Variants in RANBP2 observed in about 807,000 individuals in gnomAD.
The protein encoded by RANBP2 is RAN binding protein 2, also known as E3 SUMO-protein ligase RanBP2.
Under a neutral mutation model 303.6 loss-of-function variants are expected in RANBP2, and 57 were observed. The ratio of observed to expected loss-of-function variants is 0.19; its 90% CI spans 0.15 to 0.23. The LOEUF (loss-of-function observed/expected upper bound fraction) is 0.23, where lower values mean the gene tolerates loss of function less well. Ranked by LOEUF, RANBP2 falls within the 10% of genes least tolerant of loss-of-function variation. The probability of loss-of-function intolerance (pLI) is 1.00; values close to 1 mark genes in which losing one functional copy is unlikely to be tolerated. For synonymous variants in RANBP2, 1,167 were observed against 1,301.5 expected (o/e 0.90, Z 2.23); for missense variants, 3,138 against 3,780.8 (o/e 0.83, Z 4.46).
chr2:109,184,636 T>C, the RANBP2 span, among the ~76,000 whole-genome samples: 4 of 152,046 alleles, frequency 2.6e-5, no homozygotes, highest in East Asian at 7.8e-4. Context: ...TCCCAGAGAG[T>C]GAGCTGGTCC....
At chr2:109,289,693 T>C in the RANBP2 span, among the ~76,000 whole-genome samples, 1 of 152,170 alleles carries the variant, frequency 6.6e-6, no homozygotes, top group Non-Finnish European at 1.5e-5. Context: ...CTTCATAGCA[T>C]AGAAGATGAA....
chr2:109,338,758 A>G, the RANBP2 span, among the ~76,000 whole-genome samples: 1 of 152,126 alleles, frequency 6.6e-6, no homozygotes, highest in East Asian at 1.9e-4. Flanking sequence ...GAGTTTCACC[A>G]TGTTGGCCAG....
At chr2:108,989,823 G>GA in the RANBP2 span, among the ~76,000 whole-genome samples, 1 of 151,462 alleles carries the variant, frequency 6.6e-6, no homozygotes, top group African/African-American at 2.4e-5. Context: ...ATTGGGGGGG[G>GA]GAAAACAGCC....
chr2:108,807,886 G>A, the RANBP2 span, among the ~76,000 whole-genome samples: 2 of 152,200 alleles, frequency 1.3e-5, no homozygotes, highest in African/African-American at 4.8e-5. Context: ...TCGGATTACA[G>A]GCCTGAGCCA....
chr2:109,565,890 T>C, the RANBP2 span: 1 of 1,540,562 alleles, frequency 6.5e-7, no homozygotes. Flanking sequence ...CATCTTCTCA[T>C]ACCACTGTGA....
chr2:108,797,318 A>G, the RANBP2 span, among the ~76,000 whole-genome samples: 2 of 152,318 alleles, frequency 1.3e-5, no homozygotes, highest in East Asian at 3.9e-4. Flanking sequence ...CATGGAAACC[A>G]ATGAAGGAGA....
At chr2:109,133,648 A>G in the RANBP2 span, among the ~76,000 whole-genome samples, 3 of 151,384 alleles carry the variant, frequency 2.0e-5, no homozygotes, top group Admixed American at 6.6e-5. Flanking sequence ...TGATGTTCTC[A>G]TTTACACCTG....
chr2:109,723,926 T>C, the RANBP2 span, among the ~76,000 whole-genome samples: 10 of 152,340 alleles, frequency 6.6e-5, no homozygotes, highest in South Asian at 4.1e-4. Flanking sequence ...CTTTAATCCA[T>C]CTTGTGTTAA....
the RANBP2 span, among the ~76,000 whole-genome samples, chr2:108,820,699 C>CAAAAAAAAAA: frequency 1.9e-4 from 12 of 62,580 alleles, no homozygotes; most frequent in African/African-American, 5.3e-4. Flanking sequence ...ATTCAAAGTG[C>CAAAAAAAAAA]AAAAAAAAAA....
At chr2:109,091,653 G>A in the RANBP2 span, among the ~76,000 whole-genome samples, 13 of 152,162 alleles carry the variant, frequency 8.5e-5, no homozygotes, top group Non-Finnish European at 1.5e-4. Context: ...CCCATGGTTT[G>A]GTAGCCCCCT....
the RANBP2 span, among the ~76,000 whole-genome samples, chr2:109,133,670 T>G: frequency 3.8e-3 from 585 of 152,308 alleles, 2 homozygotes; most frequent in African/African-American, 0.013. Context: ...TTTGACCATT[T>G]TGTTAGTGTT....
At chr2:109,106,340 C>T in the RANBP2 span, among the ~76,000 whole-genome samples, 2 of 152,144 alleles carry the variant, frequency 1.3e-5, no homozygotes, top group African/African-American at 2.4e-5. Context: ...AACAAGCCAC[C>T]TCATTTCGTT....
At chr2:109,365,210 C>T in the RANBP2 span, among the ~76,000 whole-genome samples, 1 of 152,206 alleles carries the variant, frequency 6.6e-6, no homozygotes, top group Non-Finnish European at 1.5e-5. Flanking sequence ...GTGGATTTTT[C>T]TCTGATATTC....
chr2:109,763,851 T>C, the RANBP2 span, among the ~76,000 whole-genome samples: 1 of 148,954 alleles, frequency 6.7e-6, no homozygotes, highest in African/African-American at 2.5e-5. Context: ...TTATTAGTGG[T>C]GACTGTGGCT....
At chr2:109,391,407 G>A in the RANBP2 span, among the ~76,000 whole-genome samples, 1 of 152,312 alleles carries the variant, frequency 6.6e-6, no homozygotes, top group South Asian at 2.1e-4. Context: ...TCACCCACAG[G>A]CTCGGGGAGG....
the RANBP2 span, among the ~76,000 whole-genome samples, chr2:108,846,094 A>G: frequency 4.6e-5 from 7 of 152,160 alleles, no homozygotes; most frequent in Non-Finnish European, 7.3e-5. Context: ...GAGGCTCTAG[A>G]TAATCATTTC....
intron 25 of RANBP2, among the ~76,000 whole-genome samples, chr2:108,778,722 ATTTTGTTTTTG>A (rs1558939032): frequency 6.6e-6 from 1 of 151,820 alleles, no homozygotes; most frequent in African/African-American, 2.4e-5. Flanking sequence ...TTGCTGAACA[ATTTTGTTTTTG>A]TTTTTGTTTT....
At chr2:109,659,313 C>T in the RANBP2 span, among the ~76,000 whole-genome samples, 5 of 140,652 alleles carry the variant, frequency 3.6e-5, no homozygotes, top group East Asian at 4.5e-4. Flanking sequence ...AGGCAGAGGT[C>T]GCAGTGAGCC....
chr2:109,420,409 A>G, the RANBP2 span, among the ~76,000 whole-genome samples: 14 of 152,302 alleles, frequency 9.2e-5, no homozygotes, highest in Admixed American at 7.8e-4. Context: ...GTGTTGTTAC[A>G]GAACAGGATT....
Sources: gnomAD v4.1 joint callset for allele counts (sites outside exome capture counted in the v4.1 genomes callset) on GRCh38, gnomAD v4.1.1 for gene constraint, MANE v1.5 for transcripts, NCBI Gene and HGNC (gene_info 2026-07-23, HGNC 2026-07-21) for gene names.